PHACTR3: variants seen among roughly 807,000 people sequenced by gnomAD.
PHACTR3 encodes the protein phosphatase and actin regulator 3, also known as protein phosphatase 1, regulatory subunit 123.
A neutral mutation model predicts 66.8 loss-of-function variants in PHACTR3; 16 were observed. That is an observed-to-expected ratio of 0.24 (90% CI 0.16 to 0.36). The LOEUF is 0.36. Ranked by LOEUF, PHACTR3 falls within the 10% of genes least tolerant of loss-of-function variation. The pLI, the probability that PHACTR3 is intolerant of heterozygous loss-of-function variation, is 1.00. For missense variants in PHACTR3, 647 were observed against 719.9 expected (o/e 0.90, Z 1.16); for synonymous variants, 323 against 292.1 (o/e 1.11, Z -1.08).
intron 7 of PHACTR3, among the ~76,000 whole-genome samples, chr20:59,790,224 G>T (rs114718645): frequency 0.016 from 2,364 of 152,140 alleles, 55 homozygotes; most frequent in Middle Eastern, 0.071. Context: ...CGTCACCCAG[G>T]TATTAATCTT....
At chr20:59,713,640 C>A (rs549823857) in intron 1 of PHACTR3, among the ~76,000 whole-genome samples, 108 of 152,134 alleles carry the variant, frequency 7.1e-4, no homozygotes, top group African/African-American at 2.2e-3. Flanking sequence ...TGAATATATT[C>A]TCAATTTATC....
At chr20:59,819,277 A>C (rs1015434217) in intron 8 of PHACTR3, among the ~76,000 whole-genome samples, 1 of 151,658 alleles carries the variant, frequency 6.6e-6, no homozygotes, top group East Asian at 2.0e-4. Context: ...TGAGTCACCA[A>C]CTGCCCACGG....
chr20:59,742,608 T>C (rs1175222968), intron 1 of PHACTR3, among the ~76,000 whole-genome samples: 1 of 152,094 alleles, frequency 6.6e-6, no homozygotes, highest in African/African-American at 2.4e-5. Flanking sequence ...CAGGCAGAGG[T>C]CTTTGCGGCT....
chr20:59,625,292 G>A (rs765642610), intron 1 of PHACTR3, among the ~76,000 whole-genome samples: 8 of 152,092 alleles, frequency 5.3e-5, no homozygotes, highest in South Asian at 2.1e-4. Flanking sequence ...GAGAAGGTGC[G>A]TGGAACTGGT....
rs571902347 is a variant in PHACTR3 at position 59,830,829 on chromosome 20, G to A, written c.1329-5676G>A. 6.6e-6 allele frequency among the ~76,000 whole-genome samples: 1 copy of A among 152,310 alleles called. No homozygotes were observed. The highest frequency in any genetic ancestry group is 2.4e-5 in the African/African-American group (1 of 41,556). ...GCCATCACCCAGCTGGCAGGGGTCAGAGCTGGAACTGGAATCCTAGCTCTG... is the reference window on the plus strand; with the variant it reads ...GCCATCACCCAGCTGGCAGGGGTCAAAGCTGGAACTGGAATCCTAGCTCTG... On this transcript the variant is annotated intron_variant, in intron 8 of 12. Transcript: ENST00000371015. This position sits in a 1 kb window ranked among gnomAD's most constrained non-coding sequence, Gnocchi z 5.8.
chr20:59,727,253 T>C (rs56213147), intron 1 of PHACTR3, among the ~76,000 whole-genome samples: 16,600 of 152,140 alleles, frequency 0.11, 1,441 homozygotes, highest in African/African-American at 0.23. Context: ...CCCTCCACAC[T>C]GTAGCAGGTG....
chr20:59,815,418 G>GTGTT (rs2041857877), intron 8 of PHACTR3, among the ~76,000 whole-genome samples: 2 of 131,754 alleles, frequency 1.5e-5, no homozygotes, highest in Admixed American at 7.9e-5. Flanking sequence ...TGGGGTTCTG[G>GTGTT]TTTTTTTTTT....
At chr20:59,677,972 A>G (rs1377348977) in intron 1 of PHACTR3, among the ~76,000 whole-genome samples, 1 of 152,202 alleles carries the variant, frequency 6.6e-6, no homozygotes, top group Non-Finnish European at 1.5e-5. Flanking sequence ...AGCATTCCCA[A>G]TAAGATGTTC....
intron 1 of PHACTR3, among the ~76,000 whole-genome samples, chr20:59,596,684 G>A (rs932048830): frequency 6.6e-6 from 1 of 152,190 alleles, no homozygotes; most frequent in African/African-American, 2.4e-5. Flanking sequence ...TCTGGACATT[G>A]GCATGCATAG....
intron 1 of PHACTR3, among the ~76,000 whole-genome samples, chr20:59,636,840 T>C (rs2034916969): frequency 6.6e-6 from 1 of 152,238 alleles, no homozygotes; most frequent in Non-Finnish European, 1.5e-5. Context: ...TAGAAGATAG[T>C]TGCTACCTGA....
intron 1 of PHACTR3, among the ~76,000 whole-genome samples, chr20:59,722,838 G>C (rs1460838859): frequency 6.6e-6 from 1 of 151,960 alleles, no homozygotes; most frequent in African/African-American, 2.4e-5. Flanking sequence ...GGGGGCATGG[G>C]GGTGGTGGTG....
At chr20:59,780,494 A>G (rs2040687067) in intron 7 of PHACTR3, among the ~76,000 whole-genome samples, 1 of 152,202 alleles carries the variant, frequency 6.6e-6, no homozygotes, top group Admixed American at 6.5e-5. Context: ...AGAAGGGGCC[A>G]CAGAGCTCTC....
chr20:59,644,776 C>CTGCGCCT (rs932758597), intron 1 of PHACTR3, among the ~76,000 whole-genome samples: 3 of 152,174 alleles, frequency 2.0e-5, no homozygotes, highest in African/African-American at 7.2e-5. Flanking sequence ...CTCCTGCACC[C>CTGCGCCT]TGCGCCTTCC....
chr20:59,774,572 C>G (rs2040462435), intron 7 of PHACTR3, 82 bp downstream of exon 7: 1 of 1,522,610 alleles, frequency 6.6e-7, no homozygotes, highest in African/African-American at 1.4e-5. Flanking sequence ...AGAGCTCGTG[C>G]CTGGGGGAGG....
upstream of PHACTR3, among the ~76,000 whole-genome samples, chr20:59,600,936 C>T (rs2033461102): frequency 3.4e-5 from 5 of 148,896 alleles, no homozygotes; most frequent in South Asian, 8.5e-4. Context: ...AGCCTAGTGC[C>T]TCTACATGCT....
intron 1 of PHACTR3, among the ~76,000 whole-genome samples, chr20:59,703,544 A>G (rs2037586097): frequency 6.6e-6 from 1 of 152,196 alleles, no homozygotes; most frequent in Non-Finnish European, 1.5e-5. Flanking sequence ...TGTGTAGAAA[A>G]TGGTGAGATT....
At chr20:59,684,695 C>A (rs1375045060) in intron 1 of PHACTR3, among the ~76,000 whole-genome samples, 2 of 152,206 alleles carry the variant, frequency 1.3e-5, no homozygotes, top group East Asian at 1.9e-4. Flanking sequence ...AATCCGGAAG[C>A]GCCTGATGCC....
At chr20:59,670,945 G>T (rs2036175220) in intron 1 of PHACTR3, among the ~76,000 whole-genome samples, 1 of 152,104 alleles carries the variant, frequency 6.6e-6, no homozygotes, top group African/African-American at 2.4e-5. Flanking sequence ...CGTACTTTCT[G>T]CTCCCAGACC....
chr20:59,650,115 A>C (rs1291267505), intron 1 of PHACTR3, among the ~76,000 whole-genome samples: 2 of 152,182 alleles, frequency 1.3e-5, no homozygotes, highest in African/African-American at 4.8e-5. Context: ...TTTCTTAGAA[A>C]TCTGTGTTTC....
Sources: gnomAD v4.1 joint callset for allele counts (sites outside exome capture counted in the v4.1 genomes callset) on GRCh38, gnomAD v4.1.1 for gene constraint, Gnocchi (gnomAD v3.1) non-coding constraint, MANE v1.5 for transcripts, NCBI Gene and HGNC (gene_info 2026-07-23, HGNC 2026-07-21) for gene names.